The following MRM2 variants were observed in gnomAD, a reference collection of about 807,000 sequenced individuals.
MRM2 encodes the protein rRNA methyltransferase 2, mitochondrial.
In MRM2, 15 loss-of-function variants were observed where a neutral mutation model predicts 10.9. The observed-to-expected ratio is 1.37, with a 90% CI of 0.92 to 2.11. MRM2 has a LOEUF of 2.11. Ranked by LOEUF, MRM2 falls within the 30% of genes most tolerant of loss-of-function variation. MRM2 has a pLI of 0.00. For synonymous variants in MRM2, 139 were observed against 128.7 expected (o/e 1.08, Z -0.54); for missense variants, 328 against 321.3 (o/e 1.02, Z -0.16).
chr7:2,240,281 A>G, intron 1 of MRM2: 1 of 456,076 alleles, frequency 2.2e-6, no homozygotes, highest in Admixed American at 2.3e-5. Context: ...TCATCTGGCA[A>G]AAATGTTCAT....
At chr7:2,241,908 C>T in intron 1 of MRM2, 1 of 446,588 alleles carries the variant, frequency 2.2e-6, no homozygotes, top group Non-Finnish European at 4.0e-6. Context: ...CGGCGCTGCG[C>T]CCCCCACCTG....
At position 2,235,131 on chromosome 7, in the gene MRM2, C is replaced by G; in HGVS notation, c.732G>C (p.Val244=). 1 of 1,611,552 alleles carries G rather than the reference C, an allele frequency of 6.2e-7. No homozygotes were observed. The highest frequency in any genetic ancestry group is 8.5e-7 in the Non-Finnish European group (1 of 1,177,824). Reference sequence around the variant, plus strand: ...ATGGCACAAGAAATCCTCACTGCTTCACAGTGCCCTTCCTTCCGTGGTACT... The same window carrying G: ...ATGGCACAAGAAATCCTCACTGCTTGACAGTGCCCTTCCTTCCGTGGTACT... ...ATQYHGRKGT[V]KQ Residue 244 remains valine, a synonymous_variant, in exon 3 of 3, where the codon GTG becomes GTC. Transcript: ENST00000242257.
intron 2 of MRM2, chr7:2,239,006 T>A (rs59779502): frequency 1.6e-4 from 10 of 61,844 alleles, no homozygotes; most frequent in East Asian, 1.6e-3. Flanking sequence ...TATATATATA[T>A]ATATATATAT....
rs186786821 is a variant in MRM2, at chr7:2,239,888, C to T, written c.9-181G>A. The stretch of plus-strand genomic sequence containing the variant: ...GGCATCACAGGCCAAACTGTGTCCC[C>T]GCAAAATTAATGTGTTGATGTCCTA... On this transcript the variant is annotated intron_variant, in intron 1 of 2. Coordinates refer to ENST00000242257, the MANE Select transcript of MRM2 (RefSeq NM_013393.3). Among the ~76,000 whole-genome samples, 150 of 152,234 alleles carry T rather than the reference C, an allele frequency of 9.9e-4. 1 individual carries two copies. Among genetic ancestry groups the T allele is most frequent in the African/African-American group, 3.4e-3 (140 of 41,546 alleles).
intron 2 of MRM2, chr7:2,237,933 A>C (rs1474120155): frequency 6.6e-6 from 1 of 152,052 alleles, no homozygotes; most frequent in Non-Finnish European, 1.5e-5. Flanking sequence ...GAAAAGCCCG[A>C]AGAGGCATAT....
chr7:2,241,135 GA>G (rs1794524756), intron 1 of MRM2, among the ~76,000 whole-genome samples: 1 of 151,978 alleles, frequency 6.6e-6, no homozygotes, highest in Non-Finnish European at 1.5e-5. Flanking sequence ...CTGAGTAGCT[GA>G]GACTACAGGT....
intron 2 of MRM2, among the ~76,000 whole-genome samples, chr7:2,237,372 C>T (rs945476954): frequency 1.2e-4 from 18 of 152,180 alleles, no homozygotes; most frequent in African/African-American, 4.1e-4. Flanking sequence ...AAATTTCCAC[C>T]GAAGGCAAAC....
At position 2,239,653 on chromosome 7, in the gene MRM2, C is replaced by A. The variant is rs765014343; in HGVS notation, c.63G>T (p.Gly21=). ...CGCCTGTCCGATTCTTGCAGCGACT[C>A]CCAACAGTGTGGAACCCTTGACGCT... ...SFQRQGFHTV[G]SRCKNRTGAE... The change falls in exon 2 of 3, where the codon GGG becomes GGT. Residue 21 remains glycine (G), a synonymous_variant. Transcript: ENST00000242257. 6.2e-7 allele frequency: 1 copy of A among 1,614,072 alleles called. No homozygotes were observed. Among genetic ancestry groups the A allele is most frequent in the Non-Finnish European group, 8.5e-7 (1 of 1,180,022 alleles).
intron 1 of MRM2, 149 bp from the exon 2 acceptor site, chr7:2,239,856 G>T: frequency 1.4e-6 from 1 of 692,092 alleles, no homozygotes. Flanking sequence ...TACACAGATG[G>T]AAAGCAGGCA....
At chr7:2,240,067 C>G (rs1312604620) in intron 1 of MRM2, among the ~76,000 whole-genome samples, 1 of 152,064 alleles carries the variant, frequency 6.6e-6, no homozygotes, top group Non-Finnish European at 1.5e-5. Flanking sequence ...TACTAAAATG[C>G]AAAAATTAGC....
At chr7:2,238,839 A>C (rs1794463900) in intron 2 of MRM2, 1 of 155,944 alleles carries the variant, frequency 6.4e-6, no homozygotes, top group Admixed American at 6.5e-5. Context: ...GCTACTTGGG[A>C]GGCTGAGGCA....
chr7:2,240,267 T>A (rs1183298286), intron 1 of MRM2: 1 of 455,956 alleles, frequency 2.2e-6, no homozygotes, highest in Non-Finnish European at 4.4e-6. Flanking sequence ...GTAATATTAT[T>A]TTCTCATCTG....
intron 2 of MRM2, among the ~76,000 whole-genome samples, chr7:2,237,476 G>A (rs564939021): frequency 2.0e-5 from 3 of 152,266 alleles, no homozygotes; most frequent in South Asian, 2.1e-4. Flanking sequence ...TACAAGGCAC[G>A]CTGGGCCACT....
At position 2,242,171 on chromosome 7, in the gene MRM2, GGTGTTCCCCGCGCCTGCA is replaced by G; in HGVS notation, c.-20_-3del. ...GCAGCGCCCAGCTCACCCCGCCATT[GGTGTTCCCCGCGCCTGCA>G]GCGCGCCGCCGGAAGTGCCTGGCCT... On this transcript the variant is annotated 5_prime_UTR_variant, in exon 1 of 3. Coordinates refer to ENST00000242257, the MANE Select transcript of MRM2 (RefSeq NM_013393.3). 6.3e-7 allele frequency: 1 copy of G among 1,587,724 alleles called. No homozygotes were observed. The highest frequency in any genetic ancestry group is 8.5e-7 in the Non-Finnish European group (1 of 1,171,866).
At chr7:2,235,643 A>G in intron 2 of MRM2, 79 bp from the exon 3 acceptor site, 2 of 997,600 alleles carry the variant, frequency 2.0e-6, no homozygotes, top group Non-Finnish European at 2.9e-6. Context: ...CAACAAAGTG[A>G]TGAAATAAAA....
In MRM2 at chr7:2,239,580, C is replaced by T. The variant is rs1009062342; in HGVS notation, c.136G>A (p.Ala46Thr). 1 of 1,614,146 alleles carries T rather than the reference C, an allele frequency of 6.2e-7. No individual in the cohort carries two copies. The highest frequency in any genetic ancestry group is 8.5e-7 in the Non-Finnish European group (1 of 1,180,052). ...CACCGGTAACTCTCCACCTTCGCAG[C>T]CTTCACAAATGGGTCCCTGAGATGT... ...TRHLRDPFVK[A>T]AKVESYRCRS... Residue 46 changes from alanine (A) to threonine (T), a missense_variant, in exon 2 of 3, where the codon GCT (alanine) becomes ACT (threonine). Ala to Thr is a moderately conservative substitution (Grantham distance 58, BLOSUM62 0). Transcript: ENST00000242257.
intron 2 of MRM2, chr7:2,239,024 T>TAA (rs1562401763): frequency 1.4e-4 from 2 of 14,704 alleles, no homozygotes; most frequent in African/African-American, 1.9e-3. Context: ...TATATATATA[T>TAA]ATATAATACA....
At chr7:2,239,090 A>T in intron 2 of MRM2, 2 of 749,204 alleles carry the variant, frequency 2.7e-6, no homozygotes, top group South Asian at 2.8e-5. Context: ...ATTAGCAAGA[A>T]AAGTATGGCA....
rs1562400262 is a variant in MRM2 at position 2,235,559 on chromosome 7, TG to T, written c.303del (p.Ser102AlafsTer10). On this transcript the variant is annotated frameshift_variant, in exon 3 of 3. Coordinates refer to ENST00000242257, the MANE Select transcript of MRM2 (RefSeq NM_013393.3). LOFTEE classifies it low-confidence loss of function (END_TRUNC). The part of the protein sequence containing the change: ...VQKVNAAGTD[P>X]SSPVGFVLGV... ...CCAAGCACGAAGCCAACAGGAGAGCTGGGATCTATGGAAGAAATGGTGAATG... is the reference window on the plus strand; with the variant it reads ...CCAAGCACGAAGCCAACAGGAGAGCTGGATCTATGGAAGAAATGGTGAATG... The T allele has an allele frequency of 1.2e-6, 2 of 1,600,944 alleles. No individual in the cohort carries two copies. Among genetic ancestry groups the T allele is most frequent in the East Asian group, 2.2e-5 (1 of 44,712 alleles).
Sources: gnomAD v4.1 joint callset for allele counts (sites outside exome capture counted in the v4.1 genomes callset) on GRCh38, gnomAD v4.1.1 for gene constraint, MANE v1.5 for transcripts, NCBI Gene and HGNC (gene_info 2026-07-23, HGNC 2026-07-21) for gene names.